Variants in MTA3 observed in about 807,000 individuals in gnomAD.
The protein encoded by MTA3 is metastasis associated 1 family member 3.
A neutral mutation model predicts 83.5 loss-of-function variants in MTA3; 34 were observed. The ratio of observed to expected loss-of-function variants is 0.41; its 90% confidence interval spans 0.31 to 0.54. The LOEUF is 0.54. Among genes scored for constraint, MTA3 ranks in the 20% least tolerant of loss-of-function variants. The pLI, the probability that MTA3 is intolerant of heterozygous loss-of-function variation, is 0.33. For missense variants in MTA3, 761 were observed against 726.4 expected (o/e 1.05, Z -0.55); for synonymous variants, 303 against 252.7 (o/e 1.20, Z -1.89).
chr2:42,724,959 AC>A (rs745555237), intron 16 of MTA3, among the ~76,000 whole-genome samples: 9 of 152,198 alleles, frequency 5.9e-5, no homozygotes, highest in Non-Finnish European at 1.0e-4. Context: ...GTAGACAGAG[AC>A]CTTCAGCCTT....
intron 3 of MTA3, among the ~76,000 whole-genome samples, chr2:42,601,480 T>C (rs985775325): frequency 1.2e-4 from 18 of 152,176 alleles, no homozygotes; most frequent in Admixed American, 1.1e-3. Flanking sequence ...TTGTCTGTTT[T>C]GTTGTTGTTG....
At chr2:42,574,538 G>T (rs1678839286) in intron 2 of MTA3, among the ~76,000 whole-genome samples, 1 of 152,166 alleles carries the variant, frequency 6.6e-6, no homozygotes, top group Admixed American at 6.6e-5. Context: ...CCAGGTTCAA[G>T]TGATTCTCCT....
intron 11 of MTA3, 39 bp downstream of exon 11, chr2:42,697,873 T>C: frequency 7.2e-7 from 1 of 1,395,840 alleles, no homozygotes; most frequent in Non-Finnish European, 9.6e-7. Context: ...TGTTTTGGTC[T>C]TAATTTTATC....
intron 14 of MTA3, among the ~76,000 whole-genome samples, chr2:42,713,005 G>A (rs559141503): frequency 6.6e-6 from 1 of 152,302 alleles, no homozygotes; most frequent in East Asian, 1.9e-4. Context: ...CCAAACACCT[G>A]ATGCACACAG....
chr2:42,708,058 C>CAGT lies in MTA3; in HGVS notation c.1302+8_1302+10dup, dbSNP rs1666252573. On this transcript the variant is annotated splice_donor_region_variant and intron_variant, in intron 13 of 16. Coordinates refer to ENST00000405094, the MANE Select transcript of MTA3 (RefSeq NM_001330442.2). Reference sequence around the variant, plus strand: ...ATCTCCTAGCCCAACTACAGAGGTACAGTAGTCTTTTTAGTGTTGAAAAAT... The same window carrying CAGT: ...ATCTCCTAGCCCAACTACAGAGGTACAGTAGTAGTCTTTTTAGTGTTGAAAAAT... 3.8e-6 allele frequency: 6 copies of CAGT among 1,593,240 alleles called. No individual in the cohort carries two copies. Among genetic ancestry groups the CAGT allele is most frequent in the Non-Finnish European group, 4.3e-6 (5 of 1,174,178 alleles).
rs548969813 is a variant in MTA3, at chr2:42,674,140, A to C, written c.703-8261A>C. Among the ~76,000 whole-genome samples the C allele has an allele frequency of 7.4e-4, 113 of 152,334 alleles. 2 individuals carry two copies. The South Asian group carries it at 0.023, about 31-fold the overall frequency. The stretch of plus-strand genomic sequence containing the variant: ...TCAGTAGCACAAGAGGGCAAGGCCA[A>C]ATGTGCAAACACTTGTCAAGGCTCA... On this transcript the variant is annotated intron_variant, in intron 8 of 16. Transcript: ENST00000405094.
intron 2 of MTA3, among the ~76,000 whole-genome samples, chr2:42,526,605 A>G (rs558617679): frequency 1.3e-5 from 2 of 152,304 alleles, no homozygotes; most frequent in Non-Finnish European, 2.9e-5. Flanking sequence ...TTTTGGGACC[A>G]TGATTTATTT....
intron 2 of MTA3, among the ~76,000 whole-genome samples, chr2:42,521,247 G>A (rs1282822145): frequency 6.6e-6 from 1 of 152,150 alleles, no homozygotes; most frequent in Non-Finnish European, 1.5e-5. Context: ...CTGCTTTTTA[G>A]AGAGGCCTAC....
chr2:42,532,385 CTG>C (rs1215388971), intron 2 of MTA3, among the ~76,000 whole-genome samples: 2 of 152,236 alleles, frequency 1.3e-5, no homozygotes, highest in Non-Finnish European at 2.9e-5. Flanking sequence ...TGGCGGGTGA[CTG>C]TAATCCCAAC....
intron 16 of MTA3, among the ~76,000 whole-genome samples, chr2:42,724,277 AACACACACACACACACACAC>A (rs34379999): frequency 9.6e-5 from 7 of 73,150 alleles, no homozygotes; most frequent in East Asian, 4.5e-4. Context: ...AGTCCTGAAA[AACACACACACACACACACAC>A]ACACACACAC....
At chr2:42,686,670 C>T (rs774424635) in intron 9 of MTA3, among the ~76,000 whole-genome samples, 1 of 151,788 alleles carries the variant, frequency 6.6e-6, no homozygotes, top group Non-Finnish European at 1.5e-5. Flanking sequence ...ACTAAAAATA[C>T]AAAACAATTA....
chr2:42,501,625 A>G (rs536729188), intron 2 of MTA3, among the ~76,000 whole-genome samples: 9 of 152,324 alleles, frequency 5.9e-5, no homozygotes, highest in Middle Eastern at 3.4e-3. Flanking sequence ...GCAGCGAGAC[A>G]AAGTGAGGCA....
At chr2:42,597,280 G>T (rs1008883770) in intron 3 of MTA3, among the ~76,000 whole-genome samples, 14 of 151,666 alleles carry the variant, frequency 9.2e-5, no homozygotes, top group Non-Finnish European at 1.6e-4. Flanking sequence ...GCCCAGGCTG[G>T]TCTCAAAGTA....
chr2:42,600,503 T>A (rs1266649771), intron 3 of MTA3, among the ~76,000 whole-genome samples: 3 of 9,434 alleles, frequency 3.2e-4, no homozygotes, highest in Non-Finnish European at 5.0e-4. Flanking sequence ...TTTTATTAAT[T>A]TTTTTTTTTT....
At chr2:42,570,808 C>G (rs962362876) in intron 2 of MTA3, among the ~76,000 whole-genome samples, 1 of 151,494 alleles carries the variant, frequency 6.6e-6, no homozygotes, top group African/African-American at 2.4e-5. Context: ...GTCGGGAGTT[C>G]GAGACCAGCC....
intron 9 of MTA3, among the ~76,000 whole-genome samples, chr2:42,693,888 A>T (rs887541958): frequency 6.6e-6 from 1 of 152,148 alleles, no homozygotes; most frequent in Non-Finnish European, 1.5e-5. Context: ...TAGTCAGCAC[A>T]TCTCAGAGCC....
intron 3 of MTA3, among the ~76,000 whole-genome samples, chr2:42,585,982 C>A (rs867455635): frequency 6.6e-6 from 1 of 151,660 alleles, no homozygotes; most frequent in Admixed American, 6.6e-5. Flanking sequence ...AACTTCCTGA[C>A]AAATAAAAAG....
At chr2:42,665,583 TC>T (rs1397240154) in intron 8 of MTA3, among the ~76,000 whole-genome samples, 1 of 152,100 alleles carries the variant, frequency 6.6e-6, no homozygotes, top group African/African-American at 2.4e-5. Context: ...AGGTCTGCAC[TC>T]CCCTGGCTTG....
chr2:42,561,776 T>C (rs1558436933), intron 2 of MTA3, among the ~76,000 whole-genome samples: 1 of 152,158 alleles, frequency 6.6e-6, no homozygotes, highest in African/African-American at 2.4e-5. Flanking sequence ...GTATTTCTCT[T>C]TATTCTATTA....
Sources: gnomAD v4.1 joint callset for allele counts (sites outside exome capture counted in the v4.1 genomes callset) on GRCh38, gnomAD v4.1.1 for gene constraint, MANE v1.5 for transcripts, NCBI Gene and HGNC (gene_info 2026-07-23, HGNC 2026-07-21) for gene names.